DROSHA: variants seen among roughly 807,000 people sequenced by gnomAD.
The protein encoded by DROSHA is drosha ribonuclease III.
Under a neutral mutation model 181.9 loss-of-function variants are expected in DROSHA, and 56 were observed. The ratio of observed to expected loss-of-function variants is 0.31; its 90% CI spans 0.25 to 0.38. The LOEUF (loss-of-function observed/expected upper bound fraction) is 0.38, where lower values mean the gene tolerates loss of function less well. Ranked by LOEUF, DROSHA falls within the 10% of genes least tolerant of loss-of-function variation. The pLI is 1.00. For missense variants in DROSHA, 1,218 were observed against 1,743.5 expected (o/e 0.70, Z 5.37); for synonymous variants, 524 against 591.2 (o/e 0.89, Z 1.65).
rs1272187169 is a variant in DROSHA, at chr5:31,401,425, C to T, written c.*7G>A. The stretch of plus-strand genomic sequence containing the variant: ...CAAGTAAATACTCCACACTTGCATG[C>T]CCTCCTTTATTTCTTGATGTCTTCA... On this transcript the variant is annotated 3_prime_UTR_variant, in exon 36 of 36. Transcript: ENST00000344624. The T allele has an allele frequency of 5.0e-6, 8 of 1,611,170 alleles. No homozygotes were observed. The African/African-American group carries it at 5.3e-5, about 11-fold the overall frequency.
rs571004238 is a variant in DROSHA, at chr5:31,498,212, T to C, written c.1669-2840A>G. On this transcript the variant is annotated intron_variant, in intron 11 of 35. Coordinates refer to ENST00000344624, the MANE Select transcript of DROSHA (RefSeq NM_001382508.1). ...CACTGCTGACATGGAGTATCAGCCC[T>C]GTGAGACACCTGAATGAAGTTATGG... Among the ~76,000 whole-genome samples, 37 of 152,294 alleles carry C rather than the reference T, an allele frequency of 2.4e-4. 1 individual carries two copies. In the South Asian group the frequency reaches 7.5e-3, roughly 31 times the overall value.
In DROSHA at chr5:31,418,373, A is replaced by T. The variant is rs574800607; in HGVS notation, c.3525+2899T>A. On this transcript the variant is annotated intron_variant, in intron 30 of 35. Transcript: ENST00000344624. Reference sequence around the variant, plus strand: ...CAACCACAGCTCCTGGGCTCAAGCGATCCTCCCACTTCAGCCTCCCAAGTA... The same window carrying T: ...CAACCACAGCTCCTGGGCTCAAGCGTTCCTCCCACTTCAGCCTCCCAAGTA... Among the ~76,000 whole-genome samples the T allele has an allele frequency of 2.0e-5, 3 of 152,220 alleles. No individual in the cohort carries two copies. In the South Asian group the frequency reaches 6.2e-4, roughly 32 times the overall value.
At chr5:31,491,047 T>C (rs920659087) in intron 13 of DROSHA, among the ~76,000 whole-genome samples, 1 of 152,224 alleles carries the variant, frequency 6.6e-6, no homozygotes, top group Non-Finnish European at 1.5e-5. Flanking sequence ...TGATGTTTTC[T>C]ACTCACTTTT....
intron 20 of DROSHA, among the ~76,000 whole-genome samples, chr5:31,461,706 A>G (rs1188870874): frequency 6.6e-6 from 1 of 151,936 alleles, no homozygotes; most frequent in Non-Finnish European, 1.5e-5. Flanking sequence ...AGTCAACTAC[A>G]CTAGTTTACT....
chr5:31,455,931 T>C (rs1312724389), intron 20 of DROSHA, among the ~76,000 whole-genome samples: 2 of 152,316 alleles, frequency 1.3e-5, no homozygotes, highest in East Asian at 3.9e-4. Flanking sequence ...TGTGAGTACC[T>C]GTACCTGACC....
chr5:31,454,146 A>G (rs1747365386), intron 20 of DROSHA, among the ~76,000 whole-genome samples: 1 of 152,208 alleles, frequency 6.6e-6, no homozygotes, highest in African/African-American at 2.4e-5. Context: ...AAAATTAACA[A>G]CACATGTTCA....
chr5:31,530,498 C>G (rs1050395363), intron 3 of DROSHA, among the ~76,000 whole-genome samples: 1 of 151,954 alleles, frequency 6.6e-6, no homozygotes, highest in Non-Finnish European at 1.5e-5. Context: ...GATTACCATT[C>G]GAGTACAAAG....
rs562874686 is a variant in DROSHA at position 31,457,377 on chromosome 5, G to A, written c.2575-5737C>T. ...TGACCTCAGGTGATCTGCCCACCTC[G>A]GCCTCCCAAAATGCTGGGATTACAG... On this transcript the variant is annotated intron_variant, in intron 20 of 35. Transcript: ENST00000344624. Among the ~76,000 whole-genome samples the A allele has an allele frequency of 3.9e-5, 6 of 152,056 alleles. No individual in the cohort carries two copies. In the South Asian group the frequency reaches 6.2e-4, roughly 16 times the overall value.
intron 33 of DROSHA, 172 bp from the exon 34 acceptor site, chr5:31,407,117 G>A (rs531288453): frequency 5.3e-5 from 22 of 414,544 alleles, no homozygotes; most frequent in African/African-American, 2.7e-4. Flanking sequence ...TTGCTAATCC[G>A]ACAAATATCG....
intron 10 of DROSHA, among the ~76,000 whole-genome samples, chr5:31,506,087 G>A (rs777283704): frequency 2.6e-5 from 4 of 152,194 alleles, no homozygotes; most frequent in Admixed American, 6.5e-5. Context: ...ACAGCTGTGC[G>A]CAGTGGCACA....
chr5:31,464,392 A>C (rs756242584), intron 19 of DROSHA, 49 bp from the exon 20 acceptor site: 3 of 1,536,718 alleles, frequency 2.0e-6, no homozygotes, highest in South Asian at 2.3e-5. Context: ...ATAAAGCAAT[A>C]GTAAGCCAAA....
intron 13 of DROSHA, among the ~76,000 whole-genome samples, chr5:31,491,911 C>G (rs1471432672): frequency 2.0e-5 from 3 of 152,168 alleles, no homozygotes; most frequent in Non-Finnish European, 4.4e-5. Flanking sequence ...TCTTGTGCCT[C>G]AACCTCTCAA....
At chr5:31,530,645 A>G (rs1034036914) in intron 3 of DROSHA, among the ~76,000 whole-genome samples, 153 bp downstream of exon 3, 1 of 151,558 alleles carries the variant, frequency 6.6e-6, no homozygotes, top group African/African-American at 2.4e-5. Context: ...AAAAAAAAAA[A>G]AAAAAATCTC....
At chr5:31,529,882 C>T (rs1741068232) in intron 3 of DROSHA, among the ~76,000 whole-genome samples, 1 of 152,074 alleles carries the variant, frequency 6.6e-6, no homozygotes, top group Non-Finnish European at 1.5e-5. Context: ...TCAGTTCCTC[C>T]CACATAAAAA....
At position 31,514,258 on chromosome 5, in the gene DROSHA, C is replaced by T. The variant is rs71584568; in HGVS notation, c.1290+730G>A. Among the ~76,000 whole-genome samples, 2 of 135,942 alleles carry T rather than the reference C, an allele frequency of 1.5e-5. No homozygotes were observed. Among genetic ancestry groups the T allele is most frequent in the Admixed American group, 1.5e-4 (2 of 13,658 alleles). The allele number at this position is 135,942 out of a possible 152,430, so 89.2% of individuals were successfully genotyped here. A position where few individuals can be genotyped will look rare whatever the true frequency, so the allele number is the denominator to read the frequency against. On this transcript the variant is annotated intron_variant, in intron 8 of 35. Coordinates refer to ENST00000344624, the MANE Select transcript of DROSHA (RefSeq NM_001382508.1). This position sits in a 1 kb window ranked among gnomAD's most constrained non-coding sequence, Gnocchi z 4.4. The stretch of plus-strand genomic sequence containing the variant: ...ACACACACACACACACACACACACA[C>T]ACATACACATACACACTACAAACTG...
chr5:31,483,511 G>A (rs768093951), intron 16 of DROSHA, 43 bp downstream of exon 16: 2 of 1,588,280 alleles, frequency 1.3e-6, no homozygotes, highest in South Asian at 1.1e-5. Flanking sequence ...CTTATTTTCA[G>A]ATGCACTATC....
intron 4 of DROSHA, among the ~76,000 whole-genome samples, chr5:31,527,200 T>A (rs1305871557): frequency 6.6e-6 from 1 of 152,072 alleles, no homozygotes. Context: ...CAATTCAACA[T>A]CCCATTGTTC....
At chr5:31,527,987 T>C (rs1417308713) in intron 4 of DROSHA, among the ~76,000 whole-genome samples, 2 of 152,148 alleles carry the variant, frequency 1.3e-5, no homozygotes, top group Admixed American at 1.3e-4. Flanking sequence ...ATCAGTCCAG[T>C]TGCCTCCCCA....
Position 31,411,998 on chromosome 5 carries a change from A to C in DROSHA, c.3526-1111T>G, listed in dbSNP as rs889075831. ...TATTTCAACTTTAGGAATTCAAAAC[A>C]AAAATTTCTACTAGGAATTTCATCA... On this transcript the variant is annotated intron_variant, in intron 30 of 35. Coordinates refer to ENST00000344624, the MANE Select transcript of DROSHA (RefSeq NM_001382508.1). This position sits in a 1 kb window ranked among gnomAD's most constrained non-coding sequence, Gnocchi z 4.2. 1.3e-5 allele frequency among the ~76,000 whole-genome samples: 2 copies of C among 152,248 alleles called. No homozygotes were observed. The highest frequency in any genetic ancestry group is 1.3e-4 in the Admixed American group (2 of 15,288).
Sources: gnomAD v4.1 joint callset for allele counts (sites outside exome capture counted in the v4.1 genomes callset) on GRCh38, gnomAD v4.1.1 for gene constraint, Gnocchi (gnomAD v3.1) non-coding constraint, MANE v1.5 for transcripts, NCBI Gene and HGNC (gene_info 2026-07-23, HGNC 2026-07-21) for gene names.